Variants in EBF2 observed in about 807,000 individuals in gnomAD.
EBF2 encodes the protein EBF transcription factor 2.
In EBF2, 21 loss-of-function variants were observed where a neutral mutation model predicts 72.8. That is an observed-to-expected ratio of 0.29 (90% CI 0.20 to 0.42). The LOEUF (loss-of-function observed/expected upper bound fraction) is 0.42, where lower values mean the gene tolerates loss of function less well. EBF2 is among the 10% of genes least tolerant of loss of function. The pLI is 1.00. For missense variants in EBF2, 637 were observed against 731.2 expected (o/e 0.87, Z 1.49); for synonymous variants, 299 against 274.2 (o/e 1.09, Z -0.89).
intron 6 of EBF2, among the ~76,000 whole-genome samples, chr8:25,966,067 T>C (rs1276510214): frequency 1.3e-5 from 2 of 152,222 alleles, no homozygotes; most frequent in Non-Finnish European, 2.9e-5. Flanking sequence ...ACAGGTAACG[T>C]TCAGCCATCC....
At chr8:25,888,324 A>G (rs572568901) in intron 8 of EBF2, among the ~76,000 whole-genome samples, 15 of 152,198 alleles carry the variant, frequency 9.9e-5, no homozygotes, top group Non-Finnish European at 2.2e-4. Context: ...GTTCAAGCTG[A>G]GATTTGTTGA....
intron 14 of EBF2, chr8:25,858,115 C>T (rs1357192561): frequency 4.2e-6 from 3 of 709,932 alleles, no homozygotes; most frequent in Non-Finnish European, 7.6e-6. Context: ...CCTTTTCTTT[C>T]CCCAAAAGGC....
intron 14 of EBF2, among the ~76,000 whole-genome samples, chr8:25,854,778 ATAATT>A (rs1388489744): frequency 6.6e-6 from 1 of 152,168 alleles, no homozygotes; most frequent in Non-Finnish European, 1.5e-5. Flanking sequence ...TTCTGTAATA[ATAATT>A]TAATATTTTA....
intron 6 of EBF2, among the ~76,000 whole-genome samples, chr8:25,937,050 A>C (rs1023693535): frequency 1.1e-4 from 16 of 152,228 alleles, no homozygotes; most frequent in Non-Finnish European, 8.8e-5. Context: ...TAACTAGCAA[A>C]GGTTAATTAG....
chr8:25,858,192 T>C, intron 14 of EBF2, 127 bp downstream of exon 14: 1 of 1,186,834 alleles, frequency 8.4e-7, no homozygotes, highest in East Asian at 2.5e-5. Context: ...GGATGCTTAA[T>C]CAGGAAACTA....
intron 14 of EBF2, among the ~76,000 whole-genome samples, chr8:25,851,659 G>A (rs1801978920): frequency 6.6e-6 from 1 of 152,184 alleles, no homozygotes; most frequent in Admixed American, 6.5e-5. Context: ...AGGCACTTGT[G>A]TTAGCATAAT....
intron 6 of EBF2, among the ~76,000 whole-genome samples, chr8:25,943,352 GA>G (rs1803712725): frequency 7.0e-6 from 1 of 143,016 alleles, no homozygotes; most frequent in Non-Finnish European, 1.5e-5. Context: ...GAAAGAGAAA[GA>G]AAAAAATTTA....
intron 6 of EBF2, among the ~76,000 whole-genome samples, chr8:25,928,004 A>C (rs989954268): frequency 6.6e-6 from 1 of 152,170 alleles, no homozygotes; most frequent in African/African-American, 2.4e-5. Flanking sequence ...TATTATAAAA[A>C]AGTCCATCAG....
chr8:25,995,118 C>A (rs895189867), intron 6 of EBF2, among the ~76,000 whole-genome samples: 6 of 152,046 alleles, frequency 3.9e-5, no homozygotes, highest in Non-Finnish European at 5.9e-5. Context: ...CCAGCCTGAC[C>A]AACATGGAGA....
rs558433267 is a variant in EBF2 at position 25,889,976 on chromosome 8, G to A, written c.634-107C>T. ...TTTGCCACACTTCCATTTGGCAAAGGGGAGATGGGACAGAACTTGGGACTC... is the reference window on the plus strand; with the variant it reads ...TTTGCCACACTTCCATTTGGCAAAGAGGAGATGGGACAGAACTTGGGACTC... On this transcript the variant is annotated intron_variant, in intron 7 of 15. Coordinates refer to ENST00000520164, the MANE Select transcript of EBF2 (RefSeq NM_022659.4). The A allele has an allele frequency of 7.9e-6, 7 of 884,650 alleles. No individual in the cohort carries two copies. The South Asian group carries it at 9.4e-5, about 12-fold the overall frequency. 54.8% of individuals were successfully genotyped at this position (884,650 alleles called of 1,614,324 possible).
At chr8:25,970,434 T>C (rs1431889234) in intron 6 of EBF2, among the ~76,000 whole-genome samples, 2 of 152,214 alleles carry the variant, frequency 1.3e-5, no homozygotes, top group African/African-American at 4.8e-5. Flanking sequence ...CTTAGACATA[T>C]GAACCCACAG....
chr8:25,988,978 T>C (rs1804503056), intron 6 of EBF2, among the ~76,000 whole-genome samples: 1 of 152,234 alleles, frequency 6.6e-6, no homozygotes, highest in African/African-American at 2.4e-5. Flanking sequence ...CATATTTAAT[T>C]AATTATGTGA....
intron 10 of EBF2, among the ~76,000 whole-genome samples, chr8:25,885,179 A>G (rs1005615156): frequency 5.9e-5 from 9 of 151,448 alleles, no homozygotes; most frequent in African/African-American, 2.2e-4. Context: ...ATTTTCTGAC[A>G]AGTCAAGTCT....
At chr8:25,961,783 C>T (rs993872045) in intron 6 of EBF2, among the ~76,000 whole-genome samples, 2 of 152,138 alleles carry the variant, frequency 1.3e-5, no homozygotes, top group African/African-American at 4.8e-5. Context: ...TTGGAAGGGG[C>T]TCAAGCGCCA....
chr8:25,871,066 G>T (rs1175432885), intron 10 of EBF2, among the ~76,000 whole-genome samples: 7 of 152,108 alleles, frequency 4.6e-5, no homozygotes. Flanking sequence ...TTAACACATG[G>T]CCGGGTTTGA....
At chr8:26,042,908 C>G (rs1185822849) in intron 1 of EBF2, among the ~76,000 whole-genome samples, 1 of 152,142 alleles carries the variant, frequency 6.6e-6, no homozygotes, top group African/African-American at 2.4e-5. Context: ...AGAGACAGGG[C>G]GGAATCCTCG....
At chr8:25,877,155 C>G (rs908354585) in intron 10 of EBF2, among the ~76,000 whole-genome samples, 23 of 152,176 alleles carry the variant, frequency 1.5e-4, no homozygotes, top group African/African-American at 5.3e-4. Flanking sequence ...CCCCTAAATA[C>G]CATGCTCTGA....
intron 8 of EBF2, among the ~76,000 whole-genome samples, chr8:25,888,274 C>G (rs59708667): frequency 0.057 from 8,605 of 152,234 alleles, 330 homozygotes; most frequent in Admixed American, 0.12. Flanking sequence ...TAGAATTCTG[C>G]GGATGGGCTG....
chr8:25,925,480 G>A (rs1205752737), intron 6 of EBF2, among the ~76,000 whole-genome samples: 2 of 152,050 alleles, frequency 1.3e-5, no homozygotes, highest in Non-Finnish European at 2.9e-5. Flanking sequence ...GGGCTCCGAG[G>A]AAATTATCAT....
Sources: allele counts gnomAD v4.1 joint callset (sites outside exome capture counted in the v4.1 genomes callset), GRCh38; gene constraint gnomAD v4.1.1; transcripts MANE v1.5; gene names NCBI Gene and HGNC (gene_info 2026-07-23, HGNC 2026-07-21).